The following MTMR12 variants were observed in gnomAD, a reference collection of about 807,000 sequenced individuals.
MTMR12 encodes the protein myotubularin-related protein 12.
MTMR12 carries 33 observed loss-of-function variants against 96.7 expected under a neutral mutation model. The observed-to-expected ratio is 0.34, with a 90% CI of 0.26 to 0.46. The LOEUF (loss-of-function observed/expected upper bound fraction) is 0.46. Among genes scored for constraint, MTMR12 ranks in the 20% least tolerant of loss-of-function variants. MTMR12 has a pLI of 1.00. For synonymous variants in MTMR12, 298 were observed against 327.2 expected (o/e 0.91, Z 0.96); for missense variants, 721 against 896.1 (o/e 0.80, Z 2.49).
intron 7 of MTMR12, among the ~76,000 whole-genome samples, chr5:32,261,728 G>A (rs996587062): frequency 1.3e-5 from 2 of 152,212 alleles, no homozygotes; most frequent in African/African-American, 4.8e-5. Context: ...CCAAGCAAAT[G>A]GAAGGCAGTC....
At chr5:32,251,321 TAG>T (rs1288056005) in intron 8 of MTMR12, among the ~76,000 whole-genome samples, 1 of 152,122 alleles carries the variant, frequency 6.6e-6, no homozygotes, top group Non-Finnish European at 1.5e-5. Flanking sequence ...CCTCTCTTAA[TAG>T]AGTCAAAAAC....
At position 32,287,556 on chromosome 5, in the gene MTMR12, T is replaced by C. The variant is rs144902627; in HGVS notation, c.82-10814A>G. On this transcript the variant is annotated intron_variant, in intron 1 of 15. Coordinates refer to ENST00000382142, the MANE Select transcript of MTMR12 (RefSeq NM_001040446.3). ...CTTTATATATATACACATACATACATACATCCTGTTAGTTCTGTCCATCTA... is the reference window on the plus strand; with the variant it reads ...CTTTATATATATACACATACATACACACATCCTGTTAGTTCTGTCCATCTA... 1.9e-3 allele frequency among the ~76,000 whole-genome samples: 282 copies of C among 152,318 alleles called. 1 individual carries two copies. The highest frequency in any genetic ancestry group is 6.5e-3 in the African/African-American group (270 of 41,580).
At chr5:32,268,587 T>C in intron 6 of MTMR12, 114 bp downstream of exon 6, 1 of 724,398 alleles carries the variant, frequency 1.4e-6, no homozygotes, top group South Asian at 1.7e-5. Flanking sequence ...GACCAATTGG[T>C]AGAGGAGACA....
chr5:32,229,742 C>G lies in MTMR12; in HGVS notation c.*36G>C. On this transcript the variant is annotated 3_prime_UTR_variant, in exon 16 of 16. Transcript: ENST00000382142. ...ATCCAGGGATCAGCTGTCCCAATCTCCCACATTCCTCTTTCACAATCACTC... is the reference window on the plus strand; with the variant it reads ...ATCCAGGGATCAGCTGTCCCAATCTGCCACATTCCTCTTTCACAATCACTC... 1 of 1,492,304 alleles carries G rather than the reference C, an allele frequency of 6.7e-7. No individual in the cohort carries two copies. The highest frequency in any genetic ancestry group is 8.9e-7 in the Non-Finnish European group (1 of 1,119,464). 92.4% of individuals were successfully genotyped at this position (1,492,304 alleles called of 1,614,324 possible). A position where few individuals can be genotyped will look rare whatever the true frequency, so the allele number is the denominator to read the frequency against.
At chr5:32,295,140 A>G (rs1581641531) in intron 1 of MTMR12, among the ~76,000 whole-genome samples, 2 of 152,236 alleles carry the variant, frequency 1.3e-5, no homozygotes, top group African/African-American at 4.8e-5. Context: ...ACTCCTGGCC[A>G]GAAGGCTTGG....
chr5:32,282,051 G>C (rs1349258577), intron 1 of MTMR12, among the ~76,000 whole-genome samples: 1 of 152,004 alleles, frequency 6.6e-6, no homozygotes, highest in Admixed American at 6.6e-5. Context: ...ATAACCACTG[G>C]AGCACTGGAA....
chr5:32,310,203 C>T (rs1751520339), intron 1 of MTMR12, among the ~76,000 whole-genome samples: 1 of 152,114 alleles, frequency 6.6e-6, no homozygotes, highest in African/African-American at 2.4e-5. Context: ...GTAGTCCCAG[C>T]TACTTGGGAA....
At chr5:32,268,661 C>T (rs1396104982) in intron 6 of MTMR12, 40 bp downstream of exon 6, 1 of 1,558,000 alleles carries the variant, frequency 6.4e-7, no homozygotes, top group Admixed American at 1.7e-5. Context: ...AATTGGAAGG[C>T]TTCTGCTTAC....
At chr5:32,260,022 T>G (rs1458314801) in intron 7 of MTMR12, among the ~76,000 whole-genome samples, 4 of 122,564 alleles carry the variant, frequency 3.3e-5, no homozygotes, top group Admixed American at 2.1e-4. Context: ...GGTGACAGAG[T>G]GAGACTCAGT....
chr5:32,312,678 C>A lies in MTMR12; in HGVS notation c.81+80G>T, dbSNP rs1751647357. The A allele has an allele frequency of 1.6e-6, 2 of 1,246,368 alleles. No homozygotes were observed. The highest frequency in any genetic ancestry group is 4.1e-5 in the South Asian group (2 of 48,614). The allele number at this position is 1,246,368 out of a possible 1,614,324, so 77.2% of individuals were successfully genotyped here. Reference sequence around the variant, plus strand: ...GGCAGGAAGCGCTCCGCGGCGCTCCCCGCTGCAAGGAAGGGGCTCCCGGCG... The same window carrying A: ...GGCAGGAAGCGCTCCGCGGCGCTCCACGCTGCAAGGAAGGGGCTCCCGGCG... On this transcript the variant is annotated intron_variant, in intron 1 of 15. Transcript: ENST00000382142. The surrounding 1 kb of genome is among the most constrained non-coding windows in gnomAD (Gnocchi z 5.0).
intron 13 of MTMR12, among the ~76,000 whole-genome samples, chr5:32,238,081 CT>C (rs1748307620): frequency 7.4e-6 from 1 of 135,766 alleles, no homozygotes; most frequent in Non-Finnish European, 1.5e-5. Flanking sequence ...GAGGCAGAGG[CT>C]GCAGTGAGCT....
intron 1 of MTMR12, among the ~76,000 whole-genome samples, chr5:32,308,238 C>T (rs1751432673): frequency 6.6e-6 from 1 of 152,134 alleles, no homozygotes; most frequent in African/African-American, 2.4e-5. Flanking sequence ...AGGAGAATCG[C>T]CTGAACCTGG....
At chr5:32,248,695 A>G in intron 9 of MTMR12, 77 bp downstream of exon 9, 1 of 1,082,582 alleles carries the variant, frequency 9.2e-7, no homozygotes, top group Non-Finnish European at 1.4e-6. Flanking sequence ...ACAGAAATAG[A>G]CATACTACTA....
intron 7 of MTMR12, among the ~76,000 whole-genome samples, chr5:32,261,820 C>G (rs142738253): frequency 7.2e-5 from 11 of 152,302 alleles, no homozygotes; most frequent in Admixed American, 3.3e-4. Context: ...CACCTGTAAT[C>G]CCAGCACTTT....
chr5:32,229,909 A>C lies in MTMR12; in HGVS notation c.2113T>G (p.Leu705Val). The C allele has an allele frequency of 6.2e-7, 1 of 1,613,362 alleles. No individual in the cohort carries two copies. The highest frequency in any genetic ancestry group is 8.5e-7 in the Non-Finnish European group (1 of 1,179,548). Residue 705 changes from leucine (L) to valine (V), a missense_variant, in exon 16 of 16, where the codon TTG becomes GTG. By Grantham distance (32) the Leu-to-Val change is conservative. Transcript: ENST00000382142. ...LLRNSARLSS[L>V]FPFALLQRHS... ...CGCTGGAGCAGAGCGAAAGGAAACA[A>C]AGACGAGAGGCGGGCAGAGTTCCTC...
Position 32,229,868 on chromosome 5 carries a change from G to A in MTMR12, c.2154C>T (p.Pro718=), listed in dbSNP as rs147263633. ...CTTTCCAGCCACTGGTGGGTAAGAC[G>A]GGCTTAGAGGAATGTCGCTGGAGCA... The part of the protein sequence containing the change: ...FALLQRHSSK[P]VLPTSGWKAL... Residue 718 remains proline, a synonymous_variant, in exon 16 of 16, where the codon CCC becomes CCT. Coordinates refer to ENST00000382142, the MANE Select transcript of MTMR12 (RefSeq NM_001040446.3). The A allele has an allele frequency of 1.4e-5, 23 of 1,608,950 alleles. No individual in the cohort carries two copies. The highest frequency in any genetic ancestry group is 1.1e-4 in the South Asian group (10 of 90,426).
At chr5:32,250,495 C>G (rs1748872772) in intron 8 of MTMR12, among the ~76,000 whole-genome samples, 1 of 152,212 alleles carries the variant, frequency 6.6e-6, no homozygotes, top group African/African-American at 2.4e-5. Flanking sequence ...TTTCTCAATG[C>G]CATGCTAAGC....
chr5:32,262,333 G>A (rs2112058270), intron 7 of MTMR12, among the ~76,000 whole-genome samples: 1 of 152,276 alleles, frequency 6.6e-6, no homozygotes, highest in East Asian at 1.9e-4. Context: ...AGGCATGATG[G>A]CTCATGCCTG....
intron 8 of MTMR12, among the ~76,000 whole-genome samples, chr5:32,250,718 C>T (rs2112026946): frequency 6.6e-6 from 1 of 152,286 alleles, no homozygotes; most frequent in South Asian, 2.1e-4. Context: ...AAGCATAGTC[C>T]CTTGGTGATA....
Sources: gnomAD v4.1 joint callset for allele counts (sites outside exome capture counted in the v4.1 genomes callset) on GRCh38, gnomAD v4.1.1 for gene constraint, Gnocchi (gnomAD v3.1) non-coding constraint, MANE v1.5 for transcripts, NCBI Gene and HGNC (gene_info 2026-07-23, HGNC 2026-07-21) for gene names.